The following TSR1 variants were observed in gnomAD, a reference collection of about 807,000 sequenced individuals.
TSR1 encodes the protein pre-rRNA-processing protein TSR1 homolog.
A neutral mutation model predicts 90.9 loss-of-function variants in TSR1; 81 were observed. That is an observed-to-expected ratio of 0.89 (90% CI 0.74 to 1.07). The LOEUF (loss-of-function observed/expected upper bound fraction) is 1.07. Ranked by LOEUF, TSR1 falls within the 50% of genes least tolerant of loss-of-function variation. The pLI is 0.00. For synonymous variants in TSR1, 362 were observed against 348.8 expected, an observed-to-expected ratio of 1.04 and a Z score of -0.42; for missense variants, 989 against 987.3, an observed-to-expected ratio of 1.00 and a Z score of -0.02.
At chr17:2,330,273 C>T (rs760152593) in intron 10 of TSR1, 1 of 633,908 alleles carries the variant, frequency 1.6e-6, no homozygotes, top group South Asian at 1.4e-5. Flanking sequence ...GTCTGAAAAA[C>T]ATACTTGGAG....
chr17:2,334,906 A>G lies in TSR1; in HGVS notation c.557-10T>C. On this transcript the variant is annotated splice_polypyrimidine_tract_variant and intron_variant, in intron 4 of 14. Coordinates refer to ENST00000301364, the MANE Select transcript of TSR1 (RefSeq NM_018128.5). ...CCCTGGACAGCTAGTGCTGTAAGCGAAAGAGAAAACGCTTCATGACCTACT... is the reference window on the plus strand; with the variant it reads ...CCCTGGACAGCTAGTGCTGTAAGCGGAAGAGAAAACGCTTCATGACCTACT... The G allele has an allele frequency of 6.2e-7, 1 of 1,601,918 alleles. No homozygotes were observed. The highest frequency in any genetic ancestry group is 8.5e-7 in the Non-Finnish European group (1 of 1,174,742).
At chr17:2,334,400 A>C in intron 5 of TSR1, 72 bp downstream of exon 5, 2 of 1,502,644 alleles carry the variant, frequency 1.3e-6, no homozygotes, top group Non-Finnish European at 1.8e-6. Context: ...TGTACAGACT[A>C]TCTTCTCTGA....
At chr17:2,327,885 T>C (rs941013485) in intron 11 of TSR1, among the ~76,000 whole-genome samples, 3 of 152,196 alleles carry the variant, frequency 2.0e-5, no homozygotes, top group Non-Finnish European at 4.4e-5. Context: ...CATTATTCCT[T>C]ATTTTCCCAA....
At position 2,325,732 on chromosome 17, in the gene TSR1, C is replaced by A. The variant is rs150837189; in HGVS notation, c.1904-312G>T. On this transcript the variant is annotated intron_variant, in intron 11 of 14. Coordinates refer to ENST00000301364, the MANE Select transcript of TSR1 (RefSeq NM_018128.5). ...GGTTCAAGCAGTTCTCCTGCCTCAG[C>A]CTCCTGAGTAGCTGGGATTACAGGC... Among the ~76,000 whole-genome samples, 141 of 151,992 alleles carry A rather than the reference C, an allele frequency of 9.3e-4. 1 individual carries two copies. The East Asian group carries it at 0.027, about 29-fold the overall frequency.
intron 11 of TSR1, among the ~76,000 whole-genome samples, chr17:2,327,488 GTC>G (rs1484727181): frequency 6.6e-6 from 1 of 151,516 alleles, no homozygotes; most frequent in Non-Finnish European, 1.5e-5. Flanking sequence ...TCCTGCCTCA[GTC>G]TCTGCAACTG....
chr17:2,330,196 C>G lies in TSR1; in HGVS notation c.1770+319G>C. On this transcript the variant is annotated intron_variant, in intron 10 of 14. Coordinates refer to ENST00000301364, the MANE Select transcript of TSR1 (RefSeq NM_018128.5). The stretch of plus-strand genomic sequence containing the variant: ...GGCCTCCCAAAAAGTGCTGGGATTA[C>G]AGGCGTGAGCCGCCGCGCCCAGCCA... The G allele has an allele frequency of 6.2e-6, 3 of 487,340 alleles. No individual in the cohort carries two copies. The Admixed American group carries it at 6.3e-5, about 10-fold the overall frequency. 30.2% of individuals were successfully genotyped at this position (487,340 alleles called of 1,614,324 possible).
chr17:2,328,747 T>C (rs1280226236), intron 11 of TSR1, among the ~76,000 whole-genome samples: 1 of 150,270 alleles, frequency 6.7e-6, no homozygotes, highest in African/African-American at 2.5e-5. Flanking sequence ...AAACCCCGTC[T>C]CTACTAAAAA....
chr17:2,329,294 C>G (rs764351296), intron 11 of TSR1, 49 bp downstream of exon 11: 3 of 1,611,792 alleles, frequency 1.9e-6, no homozygotes, highest in Non-Finnish European at 2.5e-6. Context: ...CCACAAGTCA[C>G]TTTCCCAAAA....
At position 2,331,146 on chromosome 17, in the gene TSR1, A is replaced by G. The variant is rs754864660; in HGVS notation, c.1497-37T>C. On this transcript the variant is annotated intron_variant, in intron 8 of 14. Transcript: ENST00000301364. ...AAGATTTTTAAAGACATTAAGTCAGATTTATATGGTGCTATATAGACTCAA... is the reference window on the plus strand; with the variant it reads ...AAGATTTTTAAAGACATTAAGTCAGGTTTATATGGTGCTATATAGACTCAA... 4.6e-6 allele frequency: 7 copies of G among 1,531,772 alleles called. No individual in the cohort carries two copies. In the African/African-American group the frequency reaches 8.3e-5, roughly 18 times the overall value. The allele number at this position is 1,531,772 out of a possible 1,614,324, so 94.9% of individuals were successfully genotyped here. A position where few individuals can be genotyped will look rare whatever the true frequency, so the allele number is the denominator to read the frequency against.
At position 2,323,187 on chromosome 17, in the gene TSR1, G is replaced by A; in HGVS notation, c.*1009C>T. The A allele has an allele frequency of 1.2e-6, 2 of 1,614,180 alleles. No homozygotes were observed. The highest frequency in any genetic ancestry group is 1.3e-5 in the African/African-American group (1 of 75,050). On this transcript the variant is annotated 3_prime_UTR_variant, in exon 15 of 15. Coordinates refer to ENST00000301364, the MANE Select transcript of TSR1 (RefSeq NM_018128.5). ...TGCTGCTGAACCCTCAAATGCAGATGACTGCTACCAGTCCAAGCTGAAGGG... is the reference window on the plus strand; with the variant it reads ...TGCTGCTGAACCCTCAAATGCAGATAACTGCTACCAGTCCAAGCTGAAGGG...
At position 2,323,061 on chromosome 17, in the gene TSR1, G is replaced by C; in HGVS notation, c.*1135C>G. 1.4e-6 allele frequency: 2 copies of C among 1,474,338 alleles called. No individual in the cohort carries two copies. The highest frequency in any genetic ancestry group is 1.9e-6 in the Non-Finnish European group (2 of 1,058,266). The allele number at this position is 1,474,338 out of a possible 1,614,324, so 91.3% of individuals were successfully genotyped here. A position where few individuals can be genotyped will look rare whatever the true frequency, so the allele number is the denominator to read the frequency against. Reference sequence around the variant, plus strand: ...ATTACAGGTGTGAGCCACCACACCAGGCCCATATTTTCTTTTAGACATGCA... The same window carrying C: ...ATTACAGGTGTGAGCCACCACACCACGCCCATATTTTCTTTTAGACATGCA... On this transcript the variant is annotated 3_prime_UTR_variant, in exon 15 of 15. Transcript: ENST00000301364.
intron 6 of TSR1, 80 bp from the exon 7 acceptor site, chr17:2,333,204 C>G: frequency 2.7e-6 from 4 of 1,474,974 alleles, no homozygotes; most frequent in Non-Finnish European, 3.7e-6. Flanking sequence ...AGGCAAGGCA[C>G]CAGATACTGC....
chr17:2,323,749 C>T lies in TSR1; in HGVS notation c.*447G>A. 4 of 1,614,188 alleles carry T rather than the reference C, an allele frequency of 2.5e-6. No individual in the cohort carries two copies. The highest frequency in any genetic ancestry group is 3.4e-6 in the Non-Finnish European group (4 of 1,180,030). On this transcript the variant is annotated 3_prime_UTR_variant, in exon 15 of 15. Coordinates refer to ENST00000301364, the MANE Select transcript of TSR1 (RefSeq NM_018128.5). ...GCTGTGCTGTCTCAACATTTTCAAA[C>T]TGTTTCCCCAGAAGTAAAGAACATT...
intron 10 of TSR1, chr17:2,330,235 A>T (rs1180486857): frequency 1.8e-6 from 1 of 554,074 alleles, no homozygotes; most frequent in Non-Finnish European, 3.5e-6. Flanking sequence ...CTTTATTTTT[A>T]AGGCTGCCAA....
chr17:2,330,146 C>T (rs943873214), intron 10 of TSR1: 7 of 420,956 alleles, frequency 1.7e-5, no homozygotes, highest in Non-Finnish European at 2.3e-5. Flanking sequence ...CTCGAACTCC[C>T]GACCTCAGGT....
At chr17:2,329,025 C>G (rs1439433684) in intron 11 of TSR1, 3 of 439,928 alleles carry the variant, frequency 6.8e-6, no homozygotes, top group Non-Finnish European at 1.3e-5. Flanking sequence ...GTTGGGATTA[C>G]AGGTGTGAAC....
In TSR1 at chr17:2,332,370, G is replaced by A. The variant is rs2064012463; in HGVS notation, c.1306-11C>T. On this transcript the variant is annotated splice_polypyrimidine_tract_variant and intron_variant, in intron 7 of 14. Transcript: ENST00000301364. ...TTCACTACTCTCATCCTGTAGAATA[G>A]GATTACAGTTTTTTCAGAAGAAATC... The A allele has an allele frequency of 4.5e-6, 7 of 1,570,922 alleles. No individual in the cohort carries two copies. The highest frequency in any genetic ancestry group is 6.0e-6 in the Non-Finnish European group (7 of 1,165,064).
intron 10 of TSR1, among the ~76,000 whole-genome samples, chr17:2,329,927 T>C (rs2075595304): frequency 6.6e-6 from 1 of 152,108 alleles, no homozygotes; most frequent in Non-Finnish European, 1.5e-5. Context: ...ATAAACTTTT[T>C]TTTTTTTTGA....
At chr17:2,327,918 T>C (rs2075584093) in intron 11 of TSR1, among the ~76,000 whole-genome samples, 1 of 151,972 alleles carries the variant, frequency 6.6e-6, no homozygotes, top group African/African-American at 2.4e-5. Flanking sequence ...TGAAAATAGT[T>C]CATCCTAAAA....
Sources: gnomAD v4.1 joint callset for allele counts (sites outside exome capture counted in the v4.1 genomes callset) on GRCh38, gnomAD v4.1.1 for gene constraint, MANE v1.5 for transcripts, NCBI Gene and HGNC (gene_info 2026-07-23, HGNC 2026-07-21) for gene names.